Variants in KLHL29 observed in about 807,000 individuals in gnomAD.
The protein encoded by KLHL29 is kelch-like protein 29.
KLHL29 carries 21 observed loss-of-function variants against 80.4 expected under a neutral mutation model. The observed-to-expected ratio is 0.26, with a 90% CI of 0.19 to 0.38. The LOEUF is 0.38. Among genes scored for constraint, KLHL29 ranks in the 10% least tolerant of loss-of-function variants. KLHL29 has a pLI of 1.00. For missense variants in KLHL29, 867 were observed against 1,223.9 expected (o/e 0.71, Z 4.35); for synonymous variants, 511 against 526.8 (o/e 0.97, Z 0.41).
chr2:23,630,294 T>A (rs760194548), intron 3 of KLHL29, among the ~76,000 whole-genome samples: 1 of 152,136 alleles, frequency 6.6e-6, no homozygotes, highest in African/African-American at 2.4e-5. Flanking sequence ...TTTAGTATTA[T>A]CCTGATAGGA....
At chr2:23,627,925 G>A (rs377531537) in intron 3 of KLHL29, among the ~76,000 whole-genome samples, 36 of 19,156 alleles carry the variant, frequency 1.9e-3, no homozygotes, top group Non-Finnish European at 2.9e-3. Flanking sequence ...TTTTTTTTTT[G>A]AGATGGAGTC....
Position 23,396,207 on chromosome 2 carries a change from A to G in KLHL29, c.-154+10427A>G, listed in dbSNP as rs114963986. The stretch of plus-strand genomic sequence containing the variant: ...CCTGGTCTGTCCTGCCTGGAACTCA[A>G]CTGCCATTGTTGGTGGCCATAAGGA... On this transcript the variant is annotated intron_variant, in intron 1 of 13. Transcript: ENST00000486442. Among the ~76,000 whole-genome samples the G allele has an allele frequency of 7.2e-3, 1,091 of 152,300 alleles. 15 individuals are homozygous for G. The highest frequency in any genetic ancestry group is 0.025 in the African/African-American group (1,026 of 41,580).
In KLHL29 at chr2:23,483,486, T is replaced by C. The variant is rs534377413; in HGVS notation, c.-46+7819T>C. 3.3e-5 allele frequency among the ~76,000 whole-genome samples: 5 copies of C among 152,342 alleles called. No individual in the cohort carries two copies. The East Asian group carries it at 9.7e-4, about 29-fold the overall frequency. On this transcript the variant is annotated intron_variant, in intron 2 of 13. Coordinates refer to ENST00000486442, the MANE Select transcript of KLHL29 (RefSeq NM_052920.2). The stretch of plus-strand genomic sequence containing the variant: ...GATGTAGCTGAAAGCTCACAGGGCA[T>C]TGGCCAGAGCCACCCTCACAGCTAG...
intron 1 of KLHL29, among the ~76,000 whole-genome samples, chr2:23,428,690 C>T (rs56097041): frequency 0.035 from 5,287 of 152,174 alleles, 116 homozygotes; most frequent in Middle Eastern, 0.061. Context: ...CATTTGTGGC[C>T]GAGTGGTGAA....
chr2:23,592,249 G>A (rs1203319009), intron 3 of KLHL29, among the ~76,000 whole-genome samples: 1 of 168 alleles, frequency 6.0e-3, no homozygotes, highest in African/African-American at 0.05. Context: ...CCGGCCATCA[G>A]GCTGGTGACC....
chr2:23,579,818 G>A (rs970426830), intron 3 of KLHL29, among the ~76,000 whole-genome samples: 15 of 152,076 alleles, frequency 9.9e-5, no homozygotes, highest in African/African-American at 3.1e-4. Context: ...CTGCACCCCC[G>A]CCCCCATGGG....
At chr2:23,614,043 A>G (rs189916224) in intron 3 of KLHL29, among the ~76,000 whole-genome samples, 158 of 152,146 alleles carry the variant, frequency 1.0e-3, no homozygotes, top group Admixed American at 3.7e-3. Context: ...GAAAGTCACC[A>G]CTCTGCTCAC....
Position 23,562,306 on chromosome 2 carries a change from C to T in KLHL29, c.110C>T (p.Ser37Leu), listed in dbSNP as rs1351348306. The T allele has an allele frequency of 4.5e-6, 7 of 1,545,566 alleles. No individual in the cohort carries two copies. Among genetic ancestry groups the T allele is most frequent in the Middle Eastern group, 1.7e-4 (1 of 5,978 alleles). Residue 37 changes from serine (S) to leucine (L), a missense_variant, in exon 3 of 14, where the codon TCG (serine) becomes TTG (leucine). By Grantham distance (145) the Ser-to-Leu change is moderately radical. Around this residue, in one of 2 missense-constraint regions of KLHL29, gnomAD observed 424 missense variants for 456.9 expected, o/e 0.93. Coordinates refer to ENST00000486442, the MANE Select transcript of KLHL29 (RefSeq NM_052920.2). This position sits in a 1 kb window ranked among gnomAD's most constrained non-coding sequence, Gnocchi z 4.5. ...HGTTSICSVTSGAGGGTASSL... is the reference protein window; with the variant it reads ...HGTTSICSVTLGAGGGTASSL... ...ACCACCAGCATCTGCAGTGTCACCTCGGGGGCCGGTGGCGGCACAGCCAGC... is the reference window on the plus strand; with the variant it reads ...ACCACCAGCATCTGCAGTGTCACCTTGGGGGCCGGTGGCGGCACAGCCAGC...
chr2:23,532,018 C>T (rs758631902), intron 2 of KLHL29, among the ~76,000 whole-genome samples: 2 of 152,172 alleles, frequency 1.3e-5, no homozygotes, highest in Admixed American at 1.3e-4. Context: ...GTGGAAGCCT[C>T]GACGGCCCTT....
At chr2:23,472,704 G>T (rs1479289759) in intron 1 of KLHL29, among the ~76,000 whole-genome samples, 1 of 152,170 alleles carries the variant, frequency 6.6e-6, no homozygotes, top group Non-Finnish European at 1.5e-5. Context: ...CTCTTCTCGA[G>T]TAGTATCTTT....
chr2:23,609,537 G>A (rs951082886), intron 3 of KLHL29, among the ~76,000 whole-genome samples: 3 of 152,018 alleles, frequency 2.0e-5, no homozygotes, highest in South Asian at 2.1e-4. Context: ...CCCTCGGCTG[G>A]TTGTGGAGCG....
chr2:23,452,335 G>C (rs972494408), intron 1 of KLHL29, among the ~76,000 whole-genome samples: 1 of 151,908 alleles, frequency 6.6e-6, no homozygotes, highest in African/African-American at 2.4e-5. Context: ...ACAGCCAGCA[G>C]TCTCATGAAC....
intron 1 of KLHL29, among the ~76,000 whole-genome samples, chr2:23,434,059 C>A (rs984791282): frequency 7.9e-5 from 12 of 152,130 alleles, no homozygotes; most frequent in African/African-American, 2.4e-4. Flanking sequence ...CGGTGGCTCA[C>A]GCCTGTAATC....
intron 1 of KLHL29, among the ~76,000 whole-genome samples, chr2:23,428,266 G>A (rs969928329): frequency 1.4e-4 from 21 of 152,164 alleles, no homozygotes. Flanking sequence ...GTCACTCTGC[G>A]GCAAGTGGCT....
chr2:23,437,549 G>A (rs780746383), intron 1 of KLHL29, among the ~76,000 whole-genome samples: 12 of 152,168 alleles, frequency 7.9e-5, no homozygotes, highest in Non-Finnish European at 7.3e-5. Flanking sequence ...GGCTAAATTC[G>A]AAGTCAACAC....
intron 6 of KLHL29, chr2:23,691,164 C>A: frequency 6.3e-6 from 1 of 158,982 alleles, no homozygotes; most frequent in Non-Finnish European, 1.4e-5. Flanking sequence ...GGGGTTGGAG[C>A]GGGTTCTGGG....
chr2:23,473,574 G>A (rs573109923), intron 1 of KLHL29, among the ~76,000 whole-genome samples: 1 of 152,170 alleles, frequency 6.6e-6, no homozygotes, highest in African/African-American at 2.4e-5. Flanking sequence ...CAGGACAGGC[G>A]TAGACAGCCT....
chr2:23,698,140 G>C (rs555929501), intron 11 of KLHL29, among the ~76,000 whole-genome samples: 2 of 152,282 alleles, frequency 1.3e-5, no homozygotes, highest in South Asian at 2.1e-4. Flanking sequence ...GCCTTCCCTG[G>C]GGGGCAAGGC....
intron 2 of KLHL29, among the ~76,000 whole-genome samples, chr2:23,481,555 C>T (rs1012249004): frequency 6.6e-6 from 1 of 152,242 alleles, no homozygotes; most frequent in South Asian, 2.1e-4. Flanking sequence ...TCAGCAGCCT[C>T]GTTCTGTAAC....
Sources: gnomAD v4.1 joint callset for allele counts (sites outside exome capture counted in the v4.1 genomes callset) on GRCh38, gnomAD v4.1.1 for gene constraint, gnomAD v4.1.1 regional missense constraint, Gnocchi (gnomAD v3.1) non-coding constraint, MANE v1.5 for transcripts, NCBI Gene and HGNC (gene_info 2026-07-23, HGNC 2026-07-21) for gene names.